The following PTPRD variants were observed in gnomAD, a reference collection of about 807,000 sequenced individuals.
PTPRD encodes receptor-type tyrosine-protein phosphatase delta.
A neutral mutation model predicts 214.5 loss-of-function variants in PTPRD; 34 were observed. The ratio of observed to expected loss-of-function variants is 0.16; its 90% CI spans 0.12 to 0.21. PTPRD has a LOEUF of 0.21. Among genes scored for constraint, PTPRD ranks in the 10% least tolerant of loss-of-function variants. The pLI is 1.00. For synonymous variants in PTPRD, 1,128 were observed against 845.7 expected (o/e 1.33, Z -5.79); for missense variants, 2,545 against 2,398.7 (o/e 1.06, Z -1.27).
intron 2 of PTPRD, among the ~76,000 whole-genome samples, chr9:10,441,152 C>G (rs776990288): frequency 2.1e-4 from 32 of 151,668 alleles, no homozygotes; most frequent in Non-Finnish European, 4.3e-4. Context: ...CCTAGTCCAC[C>G]ATCCACAAAG....
intron 3 of PTPRD, among the ~76,000 whole-genome samples, chr9:10,256,818 G>C (rs776645116): frequency 6.6e-6 from 1 of 152,070 alleles, no homozygotes; most frequent in Non-Finnish European, 1.5e-5. Context: ...TTTGCACATG[G>C]TGTTTCCCCT....
Position 9,492,055 on chromosome 9 carries a change from G to A in PTPRD, c.-237+82677C>T, listed in dbSNP as rs541204861. 2.6e-5 allele frequency among the ~76,000 whole-genome samples: 4 copies of A among 151,900 alleles called. No homozygotes were observed. In the South Asian group the frequency reaches 8.3e-4, roughly 32 times the overall value. On this transcript the variant is annotated intron_variant, in intron 8 of 45. Coordinates refer to ENST00000381196, the MANE Select transcript of PTPRD (RefSeq NM_002839.4). The stretch of plus-strand genomic sequence containing the variant: ...AATTACTAAAATGAGAAATGAAAGT[G>A]GGGGCATTATCACCAATTATACAGA...
At chr9:9,195,086 G>GTATATATACATATATATATATATA (rs1554959657) in intron 9 of PTPRD, among the ~76,000 whole-genome samples, 1 of 131,172 alleles carries the variant, frequency 7.6e-6, no homozygotes, top group East Asian at 2.5e-4. Flanking sequence ...GTGTGTTTGT[G>GTATATATACATATATATATATATA]TATATATATA....
chr9:9,735,790 T>A (rs577927764), intron 6 of PTPRD, among the ~76,000 whole-genome samples: 1 of 152,128 alleles, frequency 6.6e-6, no homozygotes, highest in East Asian at 1.9e-4. Flanking sequence ...CCATGGATCT[T>A]AGTTCTATTA....
chr9:10,394,167 TAC>T (rs1419636742), intron 2 of PTPRD, among the ~76,000 whole-genome samples: 13 of 141,180 alleles, frequency 9.2e-5, no homozygotes, highest in African/African-American at 3.6e-4. Flanking sequence ...TAGATATATA[TAC>T]ATATATATCT....
intron 11 of PTPRD, among the ~76,000 whole-genome samples, chr9:8,811,196 C>T (rs913541203): frequency 6.6e-6 from 1 of 152,190 alleles, no homozygotes; most frequent in Non-Finnish European, 1.5e-5. Context: ...CTTGATCTCA[C>T]TCATGGACTC....
intron 11 of PTPRD, among the ~76,000 whole-genome samples, chr9:8,755,983 A>G (rs2093959583): frequency 6.6e-6 from 1 of 152,250 alleles, no homozygotes; most frequent in South Asian, 2.1e-4. Flanking sequence ...GGTCTGAATG[A>G]TAAACATTAG....
intron 3 of PTPRD, among the ~76,000 whole-genome samples, chr9:10,307,696 C>G (rs1047363157): frequency 6.6e-6 from 1 of 151,954 alleles, no homozygotes; most frequent in African/African-American, 2.4e-5. Context: ...CCCTTAAATA[C>G]TGGATGTAAA....
intron 35 of PTPRD, among the ~76,000 whole-genome samples, chr9:8,421,123 G>C (rs189131346): frequency 4.6e-4 from 70 of 151,870 alleles, no homozygotes; most frequent in South Asian, 6.2e-4. Flanking sequence ...AATGAAGCAT[G>C]CTTATTCATG....
At chr9:10,272,059 A>G (rs1384689259) in intron 3 of PTPRD, among the ~76,000 whole-genome samples, 3 of 152,178 alleles carry the variant, frequency 2.0e-5, no homozygotes, top group African/African-American at 7.2e-5. Context: ...TCCCTTAGAA[A>G]GAAACCCCAT....
chr9:8,934,393 A>ATATGTGTG (rs1206724377), intron 11 of PTPRD, among the ~76,000 whole-genome samples: 1 of 48,214 alleles, frequency 2.1e-5, no homozygotes, highest in Non-Finnish European at 4.0e-5. Context: ...AATACTAATT[A>ATATGTGTG]TGTGTGTGTG....
At chr9:10,569,292 G>A (rs1437307688) in intron 2 of PTPRD, among the ~76,000 whole-genome samples, 1 of 152,180 alleles carries the variant, frequency 6.6e-6, no homozygotes, top group East Asian at 1.9e-4. Context: ...ATTGTTTAGA[G>A]TAAGACTTTA....
intron 10 of PTPRD, among the ~76,000 whole-genome samples, chr9:9,123,014 G>T (rs1045363202): frequency 1.3e-5 from 2 of 152,168 alleles, no homozygotes; most frequent in African/African-American, 4.8e-5. Context: ...TGTTTTTGTT[G>T]TTGTTGTTGT....
chr9:10,018,571 G>T (rs1224200510), intron 4 of PTPRD, among the ~76,000 whole-genome samples: 2 of 43,470 alleles, frequency 4.6e-5, no homozygotes, highest in Non-Finnish European at 1.5e-4. Context: ...TTTTTGAGAC[G>T]GAGTCTCGCT....
At chr9:10,603,148 C>G (rs755154852) in intron 2 of PTPRD, among the ~76,000 whole-genome samples, 2 of 151,742 alleles carry the variant, frequency 1.3e-5, no homozygotes, top group African/African-American at 4.8e-5. Context: ...AAAAGGGACC[C>G]GAGCTTGAAG....
intron 34 of PTPRD, among the ~76,000 whole-genome samples, chr9:8,448,592 T>A (rs888184998): frequency 1.3e-5 from 2 of 152,182 alleles, no homozygotes; most frequent in Non-Finnish European, 2.9e-5. Flanking sequence ...TAATTTTTTT[T>A]AAAGTCTAAC....
At chr9:9,396,181 G>A (rs1045700053) in intron 9 of PTPRD, among the ~76,000 whole-genome samples, 1 of 151,910 alleles carries the variant, frequency 6.6e-6, no homozygotes, top group Non-Finnish European at 1.5e-5. Flanking sequence ...ACTGAATCAA[G>A]AGCACTAAAA....
At chr9:8,631,883 T>C (rs2096264819) in intron 14 of PTPRD, among the ~76,000 whole-genome samples, 1 of 151,886 alleles carries the variant, frequency 6.6e-6, no homozygotes, top group African/African-American at 2.4e-5. Context: ...AACATTTCTA[T>C]GTGTTGGTCA....
At chr9:10,331,460 C>G (rs1280629964) in intron 3 of PTPRD, among the ~76,000 whole-genome samples, 2 of 151,896 alleles carry the variant, frequency 1.3e-5, no homozygotes, top group Non-Finnish European at 2.9e-5. Flanking sequence ...CATTCCCTGT[C>G]TGAATTCCCT....
Sources: allele counts gnomAD v4.1 joint callset (sites outside exome capture counted in the v4.1 genomes callset), GRCh38; gene constraint gnomAD v4.1.1; transcripts MANE v1.5; gene names NCBI Gene and HGNC (gene_info 2026-07-23, HGNC 2026-07-21).